Variants in FGD3 observed in about 807,000 individuals in gnomAD.
FGD3 encodes the protein FYVE, RhoGEF and PH domain-containing protein 3.
FGD3 carries 45 observed loss-of-function variants against 71.8 expected under a neutral mutation model. The observed-to-expected ratio is 0.63, with a 90% CI of 0.49 to 0.80. The LOEUF is 0.80. FGD3 is among the 30% of genes least tolerant of loss of function. The probability of loss-of-function intolerance (pLI) is 0.00; values close to 1 mark genes in which losing one functional copy is unlikely to be tolerated. For missense variants in FGD3, 844 were observed against 951.5 expected, an observed-to-expected ratio of 0.89 and a Z score of 1.49; for synonymous variants, 378 against 392.8, an observed-to-expected ratio of 0.96 and a Z score of 0.44.
chr9:92,955,264 G>T (rs1270702312), intron 1 of FGD3, among the ~76,000 whole-genome samples: 1 of 152,180 alleles, frequency 6.6e-6, no homozygotes, highest in African/African-American at 2.4e-5. Flanking sequence ...GCCAGGCACG[G>T]TGGCTCACAC....
At chr9:93,015,377 A>C (rs1467185884) in intron 9 of FGD3, among the ~76,000 whole-genome samples, 3 of 152,116 alleles carry the variant, frequency 2.0e-5, no homozygotes, top group Admixed American at 6.5e-5. Context: ...AAGCTCTTAA[A>C]CACGGGAGAC....
intron 3 of FGD3, among the ~76,000 whole-genome samples, chr9:92,977,510 C>G (rs948918769): frequency 6.6e-6 from 1 of 151,908 alleles, no homozygotes; most frequent in Non-Finnish European, 1.5e-5. Context: ...CATCGGGAGA[C>G]GGGCTGGGCA....
At chr9:92,951,523 C>G (rs1211189237) in intron 1 of FGD3, among the ~76,000 whole-genome samples, 1 of 152,126 alleles carries the variant, frequency 6.6e-6, no homozygotes, top group African/African-American at 2.4e-5. Context: ...AAAAAATACA[C>G]AAATAAGCCA....
Position 93,029,938 on chromosome 9 carries a change from G to C in FGD3, c.1622G>C (p.Cys541Ser). 1 of 1,613,724 alleles carries C rather than the reference G, an allele frequency of 6.2e-7. No homozygotes were observed. The highest frequency in any genetic ancestry group is 8.5e-7 in the Non-Finnish European group (1 of 1,179,816). ...RDKEKQSCKSCGETFNSITKR... is the reference protein window; with the variant it reads ...RDKEKQSCKSSGETFNSITKR... ...AAGGAGAAGCAGAGCTGTAAGAGCT[G>C]TGGTGAGACCTTCAACTCCATCACC... The change falls in exon 15 of 18, where the codon TGT (cysteine) becomes TCT (serine). Residue 541 changes from cysteine to serine, a missense_variant. Cys to Ser is a moderately radical substitution (Grantham distance 112). Transcript: ENST00000375482.
intron 9 of FGD3, among the ~76,000 whole-genome samples, chr9:93,014,263 A>G (rs1861567664): frequency 6.6e-6 from 1 of 152,022 alleles, no homozygotes; most frequent in South Asian, 2.1e-4. Flanking sequence ...CTCGTAGCCC[A>G]TACCTCTTTC....
chr9:93,021,097 G>C (rs916447877), intron 13 of FGD3, among the ~76,000 whole-genome samples: 1 of 152,226 alleles, frequency 6.6e-6, no homozygotes, highest in Non-Finnish European at 1.5e-5. Flanking sequence ...GCATCACAGG[G>C]CTGTGGTGCG....
At chr9:93,015,662 G>A in intron 9 of FGD3, 75 bp from the exon 10 acceptor site, 1 of 997,104 alleles carries the variant, frequency 1.0e-6, no homozygotes, top group East Asian at 2.4e-5. Context: ...AGGATCCCAT[G>A]TGAGAAGCTC....
Position 93,003,998 on chromosome 9 carries a change from C to G in FGD3, c.544-3C>G. On this transcript the variant is annotated splice_region_variant and splice_polypyrimidine_tract_variant and intron_variant, in intron 4 of 17. Coordinates refer to ENST00000375482, the MANE Select transcript of FGD3 (RefSeq NM_001083536.2). This position sits in a 1 kb window ranked among gnomAD's most constrained non-coding sequence, Gnocchi z 4.1. ...GGCCACACGTGGGCTTCTCTATGCT[C>G]AGGTTTTCTGCACCAGGCTGACGGA... 6.2e-7 allele frequency: 1 copy of G among 1,614,112 alleles called. No individual in the cohort carries two copies.
At chr9:92,991,359 G>A (rs1860402096) in intron 3 of FGD3, among the ~76,000 whole-genome samples, 1 of 152,140 alleles carries the variant, frequency 6.6e-6, no homozygotes, top group South Asian at 2.1e-4. Context: ...GATTACAGGT[G>A]TGAGCCATTG....
At chr9:93,011,112 A>G in intron 7 of FGD3, 102 bp from the exon 8 acceptor site, 2 of 1,207,378 alleles carry the variant, frequency 1.7e-6, no homozygotes, top group Non-Finnish European at 1.2e-6. Flanking sequence ...GGCTGAGGGC[A>G]GAGACAGATC....
At chr9:93,025,494 G>A (rs1328805796) in intron 14 of FGD3, among the ~76,000 whole-genome samples, 3 of 151,702 alleles carry the variant, frequency 2.0e-5, no homozygotes, top group East Asian at 4.0e-4. Context: ...GTGTGATGGA[G>A]GTGAGCTCAG....
intron 17 of FGD3, 149 bp downstream of exon 17, chr9:93,034,830 C>T (rs1345001884): frequency 2.1e-6 from 2 of 955,204 alleles, no homozygotes; most frequent in East Asian, 5.5e-5. Flanking sequence ...CGCAGGATTC[C>T]CTCTGCTTGC....
chr9:92,971,037 A>T (rs1161505263), intron 1 of FGD3, among the ~76,000 whole-genome samples: 1 of 152,320 alleles, frequency 6.6e-6, no homozygotes, highest in Non-Finnish European at 1.5e-5. Flanking sequence ...GAATAGAAGG[A>T]AGTGAAGTGA....
At chr9:92,991,601 G>T (rs1860414309) in intron 3 of FGD3, among the ~76,000 whole-genome samples, 1 of 152,046 alleles carries the variant, frequency 6.6e-6, no homozygotes, top group Admixed American at 6.5e-5. Flanking sequence ...ATATTCCATG[G>T]GTACATGAGA....
chr9:92,977,808 T>C (rs573084974), intron 3 of FGD3, among the ~76,000 whole-genome samples: 1 of 152,214 alleles, frequency 6.6e-6, no homozygotes, highest in Admixed American at 6.5e-5. Flanking sequence ...TTCCCAGCCA[T>C]GATGGGAATG....
intron 1 of FGD3, among the ~76,000 whole-genome samples, chr9:92,954,470 C>T (rs1047060119): frequency 6.6e-5 from 10 of 152,170 alleles, no homozygotes; most frequent in Admixed American, 4.6e-4. Context: ...GAGAAGCAGC[C>T]GGGCTCTGAG....
Position 93,010,315 on chromosome 9 carries a change from T to A in FGD3, c.907T>A (p.Tyr303Asn). 1 of 1,613,686 alleles carries A rather than the reference T, an allele frequency of 6.2e-7. No homozygotes were observed. Among genetic ancestry groups the A allele is most frequent in the Non-Finnish European group, 8.5e-7 (1 of 1,179,712 alleles). The stretch of plus-strand genomic sequence containing the variant: ...GGAGCCCGTGCAGAGGGTCCCCCGG[T>A]ACGAGCTGCTGCTCAAGGACTATCT... ...MLEPVQRVPR[Y>N]ELLLKDYLKR... Residue 303 changes from tyrosine to asparagine, a missense_variant, in exon 7 of 18, where the codon TAC (tyrosine) becomes AAC (asparagine). Coordinates refer to ENST00000375482, the MANE Select transcript of FGD3 (RefSeq NM_001083536.2).
At chr9:92,979,551 T>C (rs1859904986) in intron 3 of FGD3, among the ~76,000 whole-genome samples, 1 of 152,226 alleles carries the variant, frequency 6.6e-6, no homozygotes, top group Non-Finnish European at 1.5e-5. Flanking sequence ...TCAGGGATAT[T>C]GGCCCGTAGT....
At chr9:93,034,311 G>A in intron 16 of FGD3, 1 of 483,984 alleles carries the variant, frequency 2.1e-6, no homozygotes, top group East Asian at 3.5e-5. Flanking sequence ...CCTCCCCTTG[G>A]AGGGCCCAGC....
Sources: allele counts gnomAD v4.1 joint callset (sites outside exome capture counted in the v4.1 genomes callset), GRCh38; gene constraint gnomAD v4.1.1; non-coding constraint Gnocchi (gnomAD v3.1); transcripts MANE v1.5; gene names NCBI Gene and HGNC (gene_info 2026-07-23, HGNC 2026-07-21).